Variants in GALNT17 observed in about 807,000 individuals in gnomAD.
GALNT17 encodes the protein polypeptide N-acetylgalactosaminyltransferase 17, also known as UDP-GalNAc:polypeptide N-acetylgalactosaminyltransferase-like 3.
A neutral mutation model predicts 63.7 loss-of-function variants in GALNT17; 29 were observed. The ratio of observed to expected loss-of-function variants is 0.46; its 90% confidence interval spans 0.34 to 0.62. The LOEUF (loss-of-function observed/expected upper bound fraction) is 0.62. Ranked by LOEUF, GALNT17 falls within the 20% of genes least tolerant of loss-of-function variation. The pLI is 0.01. For missense variants in GALNT17, 603 were observed against 799.6 expected (o/e 0.75, Z 2.97); for synonymous variants, 305 against 318.3 (o/e 0.96, Z 0.45).
At chr7:71,562,070 C>G (rs989854676) in intron 5 of GALNT17, among the ~76,000 whole-genome samples, 5 of 152,140 alleles carry the variant, frequency 3.3e-5, no homozygotes, top group Non-Finnish European at 7.4e-5. Context: ...ATTCTCCAGC[C>G]TCAGCCTCCC....
rs112504905 is a variant in GALNT17 at position 71,604,316 on chromosome 7, A to C, written c.1080+32914A>C. 5.9e-3 allele frequency among the ~76,000 whole-genome samples: 900 copies of C among 151,994 alleles called. 7 individuals are homozygous for C. The highest frequency in any genetic ancestry group is 0.02 in the African/African-American group (834 of 41,460). ...CTGAGTGCATACACTGGATACTATG[A>C]TAAGTGCATTCACCAGATTTTATGC... On this transcript the variant is annotated intron_variant, in intron 6 of 10. Coordinates refer to ENST00000333538, the MANE Select transcript of GALNT17 (RefSeq NM_022479.3).
At chr7:71,274,373 G>A (rs2115714907) in intron 1 of GALNT17, among the ~76,000 whole-genome samples, 1 of 152,234 alleles carries the variant, frequency 6.6e-6, no homozygotes, top group Admixed American at 6.5e-5. Flanking sequence ...TGACCTCCTT[G>A]TGCACAAGTG....
chr7:71,405,637 GC>G (rs1793315464), intron 3 of GALNT17, among the ~76,000 whole-genome samples: 1 of 152,152 alleles, frequency 6.6e-6, no homozygotes, highest in African/African-American at 2.4e-5. Context: ...AATTCAGGGG[GC>G]TGGGAAGTCC....
intron 1 of GALNT17, among the ~76,000 whole-genome samples, chr7:71,211,465 A>G (rs566326268): frequency 1.7e-3 from 252 of 152,338 alleles, no homozygotes; most frequent in African/African-American, 5.5e-3. Flanking sequence ...TGTCTTTATC[A>G]GCAGCATGAA....
intron 5 of GALNT17, among the ~76,000 whole-genome samples, chr7:71,475,373 C>A (rs183362409): frequency 6.6e-6 from 1 of 152,142 alleles, no homozygotes; most frequent in Admixed American, 6.5e-5. Flanking sequence ...TGCAACTAAA[C>A]GGTCCCTTCT....
chr7:71,583,070 T>C (rs1205106352), intron 6 of GALNT17, among the ~76,000 whole-genome samples: 1 of 152,184 alleles, frequency 6.6e-6, no homozygotes, highest in Non-Finnish European at 1.5e-5. Flanking sequence ...TTTTTCAAAA[T>C]GTTTACAACT....
chr7:71,173,665 C>G (rs765259324), intron 1 of GALNT17, among the ~76,000 whole-genome samples: 1 of 152,000 alleles, frequency 6.6e-6, no homozygotes, highest in African/African-American at 2.4e-5. Flanking sequence ...CCCAGCTACT[C>G]AGGAGGCTGA....
chr7:71,679,680 G>A (rs1433105323), intron 9 of GALNT17, among the ~76,000 whole-genome samples: 2 of 151,918 alleles, frequency 1.3e-5, no homozygotes, highest in African/African-American at 4.8e-5. Context: ...GAGAGAGAAG[G>A]CAGCAGAGAG....
At chr7:71,221,504 G>A (rs73365949) in intron 1 of GALNT17, among the ~76,000 whole-genome samples, 4,119 of 150,700 alleles carry the variant, frequency 0.027, 189 homozygotes, top group African/African-American at 0.094. Context: ...AATTCCACTC[G>A]GCTGACTTCT....
chr7:71,286,165 C>A (rs145377409), intron 1 of GALNT17, among the ~76,000 whole-genome samples: 1 of 152,320 alleles, frequency 6.6e-6, no homozygotes, highest in East Asian at 1.9e-4. Flanking sequence ...GCACACATTA[C>A]TAGGGCCCTT....
chr7:71,187,722 C>G (rs1228427812), intron 1 of GALNT17, among the ~76,000 whole-genome samples: 1 of 152,002 alleles, frequency 6.6e-6, no homozygotes, highest in East Asian at 1.9e-4. Flanking sequence ...GTTGAAGACC[C>G]AATTACTTTT....
At chr7:71,500,124 A>G (rs12671327) in intron 5 of GALNT17, among the ~76,000 whole-genome samples, 12,380 of 152,216 alleles carry the variant, frequency 0.081, 897 homozygotes, top group East Asian at 0.39. Flanking sequence ...CAGTGTAAGA[A>G]TGGACTAATA....
intron 1 of GALNT17, among the ~76,000 whole-genome samples, chr7:71,325,615 A>C (rs925897012): frequency 6.6e-6 from 1 of 152,240 alleles, no homozygotes; most frequent in African/African-American, 2.4e-5. Context: ...GTGGGAAGGC[A>C]GCTCAGAGTC....
chr7:71,140,927 G>T (rs1021095030), intron 1 of GALNT17, among the ~76,000 whole-genome samples: 1 of 151,880 alleles, frequency 6.6e-6, no homozygotes, highest in Non-Finnish European at 1.5e-5. Context: ...AGGCTGAGGT[G>T]GGAGGAACGC....
intron 1 of GALNT17, among the ~76,000 whole-genome samples, chr7:71,296,349 C>G (rs1453537012): frequency 6.6e-6 from 1 of 152,132 alleles, no homozygotes; most frequent in Non-Finnish European, 1.5e-5. Flanking sequence ...TGCAGTGACT[C>G]ACGCCTGTAA....
At chr7:71,696,736 ATGCATTAGGGTG>A (rs1791551788) in intron 9 of GALNT17, among the ~76,000 whole-genome samples, 1 of 152,138 alleles carries the variant, frequency 6.6e-6, no homozygotes, top group Non-Finnish European at 1.5e-5. Context: ...TTTTTTCCCA[ATGCATTAGGGTG>A]TGGATAATGA....
chr7:71,633,036 G>A (rs1350159653), intron 6 of GALNT17, among the ~76,000 whole-genome samples: 1 of 150,920 alleles, frequency 6.6e-6, no homozygotes, highest in Non-Finnish European at 1.5e-5. Flanking sequence ...CCCGGGAGTG[G>A]GAGGTTGCAG....
chr7:71,421,145 A>G lies in GALNT17; in HGVS notation c.962+40A>G, dbSNP rs112759984. 4.5e-5 allele frequency: 72 copies of G among 1,608,678 alleles called. 1 individual carries two copies. Among genetic ancestry groups the G allele is most frequent in the East Asian group, 2.7e-4 (12 of 44,756 alleles). Reference sequence around the variant, plus strand: ...AGCCCTGGCGGCCAACGAGCCCCCAAATTCAAGGGTAAAAAGGAGCTACTG... The same window carrying G: ...AGCCCTGGCGGCCAACGAGCCCCCAGATTCAAGGGTAAAAAGGAGCTACTG... On this transcript the variant is annotated intron_variant, in intron 5 of 10. Transcript: ENST00000333538.
Position 71,512,452 on chromosome 7 carries a change from G to C in GALNT17, c.963-58833G>C, listed in dbSNP as rs185533692. ...TCCAGCTCCTTAGGAAAGCCTAGCT[G>C]TCTCTGACTCATAAAAGACCTCCAA... is the stretch of plus-strand genomic sequence containing the variant. On this transcript the variant is annotated intron_variant, in intron 5 of 10. Transcript: ENST00000333538. Among the ~76,000 whole-genome samples the C allele has an allele frequency of 8.5e-5, 13 of 152,266 alleles. No individual in the cohort carries two copies. The East Asian group carries it at 1.4e-3, about 16-fold the overall frequency.
Sources: gnomAD v4.1 joint callset for allele counts (sites outside exome capture counted in the v4.1 genomes callset) on GRCh38, gnomAD v4.1.1 for gene constraint, MANE v1.5 for transcripts, NCBI Gene and HGNC (gene_info 2026-07-23, HGNC 2026-07-21) for gene names.